IFI16: variants seen among roughly 807,000 people sequenced by gnomAD.
IFI16 encodes the protein interferon gamma inducible protein 16.
A neutral mutation model predicts 68.4 loss-of-function variants in IFI16; 49 were observed. The observed-to-expected ratio is 0.72, with a 90% confidence interval of 0.57 to 0.91. The LOEUF (loss-of-function observed/expected upper bound fraction) is 0.91, where lower values mean the gene tolerates loss of function less well. Among genes scored for constraint, IFI16 ranks in the 40% least tolerant of loss-of-function variants. The probability of loss-of-function intolerance (pLI) is 0.00; values close to 1 mark genes in which losing one functional copy is unlikely to be tolerated. For synonymous variants in IFI16, 307 were observed against 315.0 expected, an observed-to-expected ratio of 0.97 and a Z score of 0.27; for missense variants, 878 against 942.9, an observed-to-expected ratio of 0.93 and a Z score of 0.90.
upstream of IFI16, among the ~76,000 whole-genome samples, chr1:159,006,842 A>G (rs1652278710): frequency 6.6e-6 from 1 of 152,120 alleles, no homozygotes; most frequent in Non-Finnish European, 1.5e-5. Context: ...AACAAACAAA[A>G]AGACCAAGGC....
chr1:159,047,228 A>G lies in IFI16; in HGVS notation c.1497+1764A>G, dbSNP rs117102642. Among the ~76,000 whole-genome samples the G allele has an allele frequency of 1.1e-3, 172 of 151,506 alleles. 5 individuals are homozygous for G. The East Asian group carries it at 0.032, about 28-fold the overall frequency. On this transcript the variant is annotated intron_variant, in intron 8 of 11. Transcript: ENST00000295809. ...GCACCATCCACACACGTCAGTTGAG[A>G]ACAGGCTTTCTACATACAGGTTTTC...
At chr1:159,027,321 A>G (rs569432364) in intron 6 of IFI16, among the ~76,000 whole-genome samples, 2 of 152,178 alleles carry the variant, frequency 1.3e-5, no homozygotes, top group East Asian at 3.9e-4. Flanking sequence ...TTTGTGTGGT[A>G]TATCACATTT....
chr1:159,049,599 G>T lies in IFI16; in HGVS notation c.1665G>T (p.Thr555=). ...PSTPSSSFLT[T]LKPRLKTEPE... ...CACCAAGCAGCAGTTTCTTAACCAC[G>T]GTACAAGTTCCCTCTTCCCAATACA... The change falls in exon 9 of 12, where the codon ACG becomes ACT. Residue 555 remains threonine (T), a splice_region_variant and synonymous_variant. Coordinates refer to ENST00000295809, the MANE Select transcript of IFI16 (RefSeq NM_001376587.1). The T allele has an allele frequency of 4.4e-6, 7 of 1,609,068 alleles. No individual in the cohort carries two copies. Among genetic ancestry groups the T allele is most frequent in the Non-Finnish European group, 5.9e-6 (7 of 1,178,424 alleles).
At chr1:159,004,251 ATTGT>A (rs1046791988), upstream of IFI16, among the ~76,000 whole-genome samples, 3 of 149,770 alleles carry the variant, frequency 2.0e-5, no homozygotes, top group Non-Finnish European at 3.0e-5. Flanking sequence ...AGGTAGGTAG[ATTGT>A]TTGAGCTCTG....
intron 1 of IFI16, among the ~76,000 whole-genome samples, 190 bp downstream of exon 1, chr1:159,010,351 T>G (rs1652472887): frequency 6.6e-6 from 1 of 152,224 alleles, no homozygotes. Context: ...AACAGGCATC[T>G]TCTATTCCAC....
intron 8 of IFI16, 96 bp downstream of exon 8, chr1:159,045,560 T>C: frequency 2.2e-6 from 3 of 1,356,044 alleles, no homozygotes; most frequent in Non-Finnish European, 3.0e-6. Flanking sequence ...CCCTACTACA[T>C]ACAATGCTTT....
intron 7 of IFI16, among the ~76,000 whole-genome samples, chr1:159,038,447 C>T (rs926453304): frequency 6.6e-6 from 1 of 152,118 alleles, no homozygotes; most frequent in Non-Finnish European, 1.5e-5. Context: ...TCACTGCAAC[C>T]TCAGACACCT....
chr1:159,015,078 G>A (rs1652838317), intron 2 of IFI16, 133 bp downstream of exon 2: 1 of 853,726 alleles, frequency 1.2e-6, no homozygotes, highest in Non-Finnish European at 1.9e-6. Flanking sequence ...AGACAATGTT[G>A]GTACTTCAGA....
At position 159,020,344 on chromosome 1, in the gene IFI16, A is replaced by G; in HGVS notation, c.976A>G (p.Thr326Ala). 6.3e-7 allele frequency: 1 copy of G among 1,599,200 alleles called. No individual in the cohort carries two copies. The highest frequency in any genetic ancestry group is 8.5e-7 in the Non-Finnish European group (1 of 1,171,556). The change falls in exon 6 of 12, where the codon ACA (threonine) becomes GCA (alanine). Residue 326 changes from threonine (T) to alanine (A), a missense_variant. Thr to Ala is a moderately conservative substitution (Grantham distance 58). Transcript: ENST00000295809. ...GAATATTAATTTTCTGTTACAGAAA[A>G]CAGTAAATCAGAAGACCACAATCTA... Reference protein sequence around the residue: ...VYGVFMLHKKTVNQKTTIYEI... With the variant: ...VYGVFMLHKKAVNQKTTIYEI...
intron 6 of IFI16, among the ~76,000 whole-genome samples, chr1:159,021,344 A>G (rs568226667): frequency 6.6e-6 from 1 of 152,258 alleles, no homozygotes; most frequent in African/African-American, 2.4e-5. Flanking sequence ...GTGAGAACAT[A>G]CAATGTTTGG....
chr1:159,028,846 T>C (rs903599772), intron 6 of IFI16, among the ~76,000 whole-genome samples: 2 of 127,478 alleles, frequency 1.6e-5, no homozygotes, highest in Admixed American at 1.5e-4. Flanking sequence ...CTTTACCTTA[T>C]GTTTATATGA....
At chr1:159,054,149 A>C (rs1007774986) in intron 11 of IFI16, among the ~76,000 whole-genome samples, 1 of 152,204 alleles carries the variant, frequency 6.6e-6, no homozygotes, top group Non-Finnish European at 1.5e-5. Context: ...CTTAGCTCAC[A>C]GCAGCCCTGA....
intron 7 of IFI16, among the ~76,000 whole-genome samples, chr1:159,044,193 G>T (rs766898833): frequency 2.6e-5 from 4 of 152,042 alleles, no homozygotes; most frequent in Non-Finnish European, 2.9e-5. Flanking sequence ...CTCACATGTG[G>T]GAAAACTGAG....
upstream of IFI16, among the ~76,000 whole-genome samples, chr1:159,001,265 A>C (rs1388352427): frequency 6.6e-6 from 1 of 152,162 alleles, no homozygotes; most frequent in Non-Finnish European, 1.5e-5. Flanking sequence ...GTATTTAGTA[A>C]TTTTACTTTA....
intron 3 of IFI16, 48 bp downstream of exon 3, chr1:159,016,035 C>T: frequency 8.3e-7 from 1 of 1,198,552 alleles, no homozygotes; most frequent in Non-Finnish European, 1.2e-6. Flanking sequence ...AGAGGAAGCT[C>T]TGCTACGGCT....
rs1247104059 is a variant in IFI16 at position 159,053,586 on chromosome 1, G to A, written c.2139G>A (p.Lys713=). The part of the protein sequence containing the change: ...TYYEIQDNTG[K]MEVVVHGRLT... ...ATGAAATACAAGATAATACAGGGAAGATGGAAGTGGTGGTGCATGGACGAC... is the reference window on the plus strand; with the variant it reads ...ATGAAATACAAGATAATACAGGGAAAATGGAAGTGGTGGTGCATGGACGAC... The change falls in exon 11 of 12, where the codon AAG becomes AAA. Residue 713 remains lysine, a synonymous_variant. Transcript: ENST00000295809. 1 of 1,613,608 alleles carries A rather than the reference G, an allele frequency of 6.2e-7. No homozygotes were observed. Among genetic ancestry groups the A allele is most frequent in the Non-Finnish European group, 8.5e-7 (1 of 1,179,522 alleles).
upstream of IFI16, among the ~76,000 whole-genome samples, chr1:159,008,641 C>T (rs1030504152): frequency 1.3e-5 from 2 of 152,200 alleles, no homozygotes; most frequent in African/African-American, 4.8e-5. Context: ...TAATATCCTT[C>T]TCTACCTACT....
intron 7 of IFI16, among the ~76,000 whole-genome samples, chr1:159,043,197 G>A (rs1437581057): frequency 7.2e-5 from 11 of 152,184 alleles, no homozygotes; most frequent in Admixed American, 7.2e-4. Flanking sequence ...CTAGCTGCTT[G>A]TAACTGTTGC....
intron 8 of IFI16, among the ~76,000 whole-genome samples, chr1:159,046,244 T>C: frequency 6.6e-6 from 1 of 151,180 alleles, no homozygotes; most frequent in Non-Finnish European, 1.5e-5. Flanking sequence ...AGAGTAGCTT[T>C]ATAATTATTT....
Sources: allele counts gnomAD v4.1 joint callset (sites outside exome capture counted in the v4.1 genomes callset), GRCh38; gene constraint gnomAD v4.1.1; transcripts MANE v1.5; gene names NCBI Gene and HGNC (gene_info 2026-07-23, HGNC 2026-07-21).